Variants in SCTR observed in about 807,000 individuals in gnomAD.
The protein encoded by SCTR is secretin receptor, also known as pancreatic secretin receptor.
A neutral mutation model predicts 60.8 loss-of-function variants in SCTR; 56 were observed. The observed-to-expected ratio is 0.92, with a 90% CI of 0.74 to 1.15. The LOEUF is 1.15. Among genes scored for constraint, SCTR ranks in the 50% most tolerant of loss-of-function variants. SCTR has a pLI of 0.00. For missense variants in SCTR, 562 were observed against 550.4 expected, an observed-to-expected ratio of 1.02 and a Z score of -0.21; for synonymous variants, 202 against 217.0, an observed-to-expected ratio of 0.93 and a Z score of 0.61.
At chr2:119,516,893 G>A (rs1225790444) in intron 1 of SCTR, among the ~76,000 whole-genome samples, 4 of 152,118 alleles carry the variant, frequency 2.6e-5, no homozygotes, top group African/African-American at 7.2e-5. Context: ...TCTTGAACCC[G>A]GGAGGCAGAG....
At chr2:119,501,309 C>A (rs1363878616) in intron 1 of SCTR, among the ~76,000 whole-genome samples, 5 of 151,898 alleles carry the variant, frequency 3.3e-5, no homozygotes, top group African/African-American at 1.2e-4. Flanking sequence ...ACTCGGGAGG[C>A]TGAGGCAGGA....
intron 2 of SCTR, among the ~76,000 whole-genome samples, chr2:119,484,946 A>T (rs1449975016): frequency 6.6e-6 from 1 of 152,196 alleles, no homozygotes; most frequent in East Asian, 1.9e-4. Flanking sequence ...AGGAGGTGGG[A>T]TGGCCCAGAG....
At chr2:119,521,996 T>C (rs1410623315) in intron 1 of SCTR, among the ~76,000 whole-genome samples, 1 of 152,120 alleles carries the variant, frequency 6.6e-6, no homozygotes, top group East Asian at 1.9e-4. Flanking sequence ...TAATGCACAT[T>C]TGAAAATACA....
chr2:119,483,435 G>A (rs754791454), intron 2 of SCTR, among the ~76,000 whole-genome samples: 5 of 152,140 alleles, frequency 3.3e-5, no homozygotes, highest in East Asian at 1.9e-4. Context: ...GGCTGGCCTT[G>A]GTGGCAGCAG....
chr2:119,461,777 AC>A, intron 7 of SCTR, 69 bp downstream of exon 7: 2 of 1,320,168 alleles, frequency 1.5e-6, no homozygotes, highest in East Asian at 5.1e-5. Flanking sequence ...TAAAAGCCGA[AC>A]CCTCCGACTC....
In SCTR at chr2:119,464,021, C is replaced by T. The variant is rs6710829; in HGVS notation, c.636+102G>A. On this transcript the variant is annotated intron_variant, in intron 6 of 12. Transcript: ENST00000019103. Reference sequence around the variant, plus strand: ...TCCTTGGTATTAAGTGCAGCCTCAGCAGGGGCTTGGGGGAAGGACAACTAG... The same window carrying T: ...TCCTTGGTATTAAGTGCAGCCTCAGTAGGGGCTTGGGGGAAGGACAACTAG... 2.2e-3 allele frequency: 2,774 copies of T among 1,275,476 alleles called. 53 individuals are homozygous for T. The African/African-American group carries it at 0.037, about 17-fold the overall frequency. The allele number at this position is 1,275,476 out of a possible 1,614,324, so 79.0% of individuals were successfully genotyped here.
intron 1 of SCTR, among the ~76,000 whole-genome samples, chr2:119,518,844 T>A (rs750974096): frequency 3.9e-5 from 6 of 152,104 alleles, no homozygotes; most frequent in Non-Finnish European, 8.8e-5. Context: ...GAAGAGAGGC[T>A]ATGTCCTCCC....
chr2:119,452,075 A>G lies in SCTR; in HGVS notation c.856T>C (p.Trp286Arg). The change falls in exon 9 of 13, where the codon TGG becomes CGG. Residue 286 changes from tryptophan to arginine, a missense_variant. Trp to Arg is a moderately radical substitution (Grantham distance 101, BLOSUM62 -3). Coordinates refer to ENST00000019103, the MANE Select transcript of SCTR (RefSeq NM_002980.3). ...ARHFLEDVGC[W>R]DINANASIWW... ...ATGGATGCGTTGGCATTGATGTCCC[A>G]GCACCTAAGGGAGGGACAGCTGGGC... 1.3e-6 allele frequency: 2 copies of G among 1,598,400 alleles called. No homozygotes were observed. The highest frequency in any genetic ancestry group is 2.2e-5 in the South Asian group (2 of 89,092).
rs531931326 is a variant in SCTR at position 119,481,678 on chromosome 2, C to T, written c.194-2760G>A. Among the ~76,000 whole-genome samples, 127 of 152,312 alleles carry T rather than the reference C, an allele frequency of 8.3e-4. No homozygotes were observed. In the Middle Eastern group the frequency reaches 0.01, roughly 12 times the overall value. ...GTGTCTTCACCTTGGTACCTGGGTA[C>T]AGATGCCTCCCCCACCACCAGGCAG... On this transcript the variant is annotated intron_variant, in intron 2 of 12. Transcript: ENST00000019103.
rs148785978 is a variant in SCTR at position 119,493,644 on chromosome 2, T to C, written c.193+784A>G. On this transcript the variant is annotated intron_variant, in intron 2 of 12. Coordinates refer to ENST00000019103, the MANE Select transcript of SCTR (RefSeq NM_002980.3). ...CATTATCACCTCCATTCTTCTTCTTTTTTTTTTTTTTTTTGAGACAGAGTT... is the reference window on the plus strand; with the variant it reads ...CATTATCACCTCCATTCTTCTTCTTCTTTTTTTTTTTTTTGAGACAGAGTT... Among the ~76,000 whole-genome samples the C allele has an allele frequency of 4.0e-5, 6 of 149,348 alleles. No homozygotes were observed. The South Asian group carries it at 8.5e-4, about 21-fold the overall frequency.
intron 3 of SCTR, among the ~76,000 whole-genome samples, 178 bp from the exon 4 acceptor site, chr2:119,473,734 A>G (rs1677134501): frequency 6.6e-6 from 1 of 152,124 alleles, no homozygotes; most frequent in Non-Finnish European, 1.5e-5. Flanking sequence ...AAGTGATTTG[A>G]ACCCTGGGGC....
chr2:119,451,490 A>G (rs1166753990), intron 9 of SCTR, among the ~76,000 whole-genome samples: 8 of 152,166 alleles, frequency 5.3e-5, no homozygotes, highest in Admixed American at 2.6e-4. Context: ...CCTGTCCAAG[A>G]TGGTCACCCA....
chr2:119,476,108 A>G (rs575048844), intron 3 of SCTR, among the ~76,000 whole-genome samples: 2 of 152,270 alleles, frequency 1.3e-5, no homozygotes, highest in South Asian at 4.2e-4. Flanking sequence ...TTTATTTTCC[A>G]GAGCACCTTG....
chr2:119,474,488 G>C (rs1015530646), intron 3 of SCTR, among the ~76,000 whole-genome samples: 2 of 152,190 alleles, frequency 1.3e-5, no homozygotes, highest in Non-Finnish European at 2.9e-5. Flanking sequence ...TGCCAAGGAG[G>C]GCTGGGATCT....
At chr2:119,454,190 G>A (rs978263535) in intron 7 of SCTR, among the ~76,000 whole-genome samples, 4 of 152,150 alleles carry the variant, frequency 2.6e-5, no homozygotes, top group Non-Finnish European at 4.4e-5. Context: ...CTGGGGAAGT[G>A]CCCAAGGATG....
chr2:119,486,015 G>T (rs889877563), intron 2 of SCTR: 1 of 152,100 alleles, frequency 6.6e-6, no homozygotes, highest in Non-Finnish European at 1.5e-5. Flanking sequence ...AGTCAAGAAG[G>T]TGTCGCTCTC....
intron 1 of SCTR, among the ~76,000 whole-genome samples, chr2:119,521,034 A>G (rs967127419): frequency 6.6e-6 from 1 of 152,222 alleles, no homozygotes; most frequent in African/African-American, 2.4e-5. Flanking sequence ...GCAGAGGTCC[A>G]TGATGCTGCT....
At chr2:119,470,160 T>G (rs564530682) in intron 4 of SCTR, among the ~76,000 whole-genome samples, 3 of 152,316 alleles carry the variant, frequency 2.0e-5, no homozygotes, top group East Asian at 1.9e-4. Flanking sequence ...AAATCCCATT[T>G]TATTTACCCA....
intron 1 of SCTR, among the ~76,000 whole-genome samples, chr2:119,502,251 CA>C (rs1383766853): frequency 6.7e-6 from 1 of 150,032 alleles, no homozygotes; most frequent in East Asian, 2.0e-4. Context: ...GACCCTGTCT[CA>C]AAAAAAAGAA....
Sources: allele counts gnomAD v4.1 joint callset (sites outside exome capture counted in the v4.1 genomes callset), GRCh38; gene constraint gnomAD v4.1.1; transcripts MANE v1.5; gene names NCBI Gene and HGNC (gene_info 2026-07-23, HGNC 2026-07-21).